Variants in SBF2 observed in about 807,000 individuals in gnomAD.
The protein encoded by SBF2 is myotubularin-related protein 13.
SBF2 carries 112 observed loss-of-function variants against 225.2 expected under a neutral mutation model. That is an observed-to-expected ratio of 0.50 (90% CI 0.43 to 0.58). The LOEUF (loss-of-function observed/expected upper bound fraction) is 0.58, where lower values mean the gene tolerates loss of function less well. Among genes scored for constraint, SBF2 ranks in the 20% least tolerant of loss-of-function variants. The probability of loss-of-function intolerance (pLI) is 0.00; values close to 1 mark genes in which losing one functional copy is unlikely to be tolerated. For synonymous variants in SBF2, 763 were observed against 773.3 expected (o/e 0.99, Z 0.22); for missense variants, 1,996 against 2,206.2 (o/e 0.90, Z 1.91).
intron 2 of SBF2, among the ~76,000 whole-genome samples, chr11:10,141,898 CGTAGAGCATTTGATGTAA>C (rs1954665411): frequency 6.6e-6 from 1 of 152,136 alleles, no homozygotes; most frequent in Non-Finnish European, 1.5e-5. Context: ...AATCTGACTT[CGTAGAGCATTTGATGTAA>C]CATTCAGGAT....
At chr11:9,847,653 T>C (rs1301970726) in intron 22 of SBF2, among the ~76,000 whole-genome samples, 1 of 152,138 alleles carries the variant, frequency 6.6e-6, no homozygotes, top group African/African-American at 2.4e-5. Flanking sequence ...ATATGTGCCT[T>C]TGGAAAACAA....
intron 16 of SBF2, among the ~76,000 whole-genome samples, chr11:9,904,779 C>A (rs1861995532): frequency 2.0e-5 from 3 of 152,154 alleles, no homozygotes; most frequent in Admixed American, 2.0e-4. Context: ...AATCACAGAA[C>A]TTTGGGAGGC....
chr11:10,142,572 C>T lies in SBF2; in HGVS notation c.141+51330G>A, dbSNP rs184975214. 8.4e-4 allele frequency among the ~76,000 whole-genome samples: 128 copies of T among 152,304 alleles called. 1 individual carries two copies. The highest frequency in any genetic ancestry group is 3.5e-3 in the Admixed American group (53 of 15,296). On this transcript the variant is annotated intron_variant, in intron 2 of 39. Transcript: ENST00000256190. The stretch of plus-strand genomic sequence containing the variant: ...ATACAACCAGCGTGAAGTCACCATT[C>T]TCTATAGAAATGGCTTCTGATATAT...
At chr11:10,219,050 C>G (rs947509053) in intron 1 of SBF2, among the ~76,000 whole-genome samples, 1 of 152,174 alleles carries the variant, frequency 6.6e-6, no homozygotes, top group Non-Finnish European at 1.5e-5. Flanking sequence ...CGTAGCTCCA[C>G]TAGGCAGTGT....
intron 1 of SBF2, chr11:10,302,813 C>G (rs1370153259): frequency 6.5e-6 from 1 of 152,914 alleles, no homozygotes. Flanking sequence ...AGAACGAACA[C>G]CCCCGCCGCG....
intron 16 of SBF2, chr11:9,959,244 G>A (rs1420189460): frequency 1.5e-5 from 12 of 776,380 alleles, no homozygotes; most frequent in Non-Finnish European, 2.9e-5. Context: ...CTGCAATCTT[G>A]ACTCCAGAAT....
chr11:9,825,379 C>T (rs1481341859), intron 28 of SBF2, among the ~76,000 whole-genome samples: 1 of 152,180 alleles, frequency 6.6e-6, no homozygotes. Flanking sequence ...AACTCCCTGA[C>T]ACCCTGATCT....
At position 10,069,861 on chromosome 11, in the gene SBF2, G is replaced by A. The variant is rs571111664; in HGVS notation, c.142-26880C>T. Among the ~76,000 whole-genome samples, 14 of 152,344 alleles carry A rather than the reference G, an allele frequency of 9.2e-5. 1 individual carries two copies. The South Asian group carries it at 2.9e-3, about 32-fold the overall frequency. On this transcript the variant is annotated intron_variant, in intron 2 of 39. Coordinates refer to ENST00000256190, the MANE Select transcript of SBF2 (RefSeq NM_030962.4). ...TTTAATGATCGCCATTCTAACTGGT[G>A]TGAGATGGTATCTCATTGTGGTTTT...
intron 12 of SBF2, among the ~76,000 whole-genome samples, chr11:9,991,946 A>G (rs1007926728): frequency 3.3e-5 from 5 of 152,188 alleles, no homozygotes; most frequent in African/African-American, 1.2e-4. Flanking sequence ...TTCTCCCTAA[A>G]ACACTGACAA....
At chr11:10,284,492 A>G (rs1044850217) in intron 1 of SBF2, among the ~76,000 whole-genome samples, 5 of 152,084 alleles carry the variant, frequency 3.3e-5, no homozygotes, top group Non-Finnish European at 7.3e-5. Context: ...TTAACTACCT[A>G]TGATGTACCA....
At chr11:9,945,256 C>A (rs879512028) in intron 16 of SBF2, among the ~76,000 whole-genome samples, 2 of 152,126 alleles carry the variant, frequency 1.3e-5, no homozygotes, top group Non-Finnish European at 2.9e-5. Context: ...GACACATAGG[C>A]CAATGAGACA....
intron 5 of SBF2, among the ~76,000 whole-genome samples, chr11:10,029,054 C>T (rs1949155439): frequency 6.6e-6 from 1 of 151,924 alleles, no homozygotes; most frequent in Admixed American, 6.6e-5. Flanking sequence ...AATGCCAATC[C>T]CACTATAAGC....
At chr11:10,085,361 C>T (rs1951524137) in intron 2 of SBF2, among the ~76,000 whole-genome samples, 1 of 151,850 alleles carries the variant, frequency 6.6e-6, no homozygotes, top group South Asian at 2.1e-4. Flanking sequence ...TTTTTCTGAC[C>T]CCGTATTGAG....
chr11:10,221,558 T>A (rs1958340754), intron 1 of SBF2, among the ~76,000 whole-genome samples: 1 of 152,192 alleles, frequency 6.6e-6, no homozygotes, highest in Non-Finnish European at 1.5e-5. Context: ...GGCACAATCA[T>A]GGAGGGAATT....
intron 2 of SBF2, among the ~76,000 whole-genome samples, chr11:10,057,581 C>T (rs1284503404): frequency 2.6e-5 from 4 of 152,140 alleles, no homozygotes; most frequent in African/African-American, 7.2e-5. Flanking sequence ...TGGGGTGGAG[C>T]CTCCAGGAGT....
At chr11:10,193,603 T>C (rs959836986) in intron 2 of SBF2, among the ~76,000 whole-genome samples, 4 of 152,046 alleles carry the variant, frequency 2.6e-5, no homozygotes, top group South Asian at 4.1e-4. Context: ...CCGCCCGCCT[T>C]GGCCTCCCAA....
intron 2 of SBF2, among the ~76,000 whole-genome samples, chr11:10,156,673 C>T (rs1955490381): frequency 6.6e-6 from 1 of 152,122 alleles, no homozygotes; most frequent in Non-Finnish European, 1.5e-5. Context: ...TCACAATGGC[C>T]ACAAAAAGAA....
intron 16 of SBF2, among the ~76,000 whole-genome samples, chr11:9,909,082 G>T (rs1036161966): frequency 2.0e-5 from 3 of 152,012 alleles, no homozygotes; most frequent in African/African-American, 7.2e-5. Context: ...ATACATAATA[G>T]ATGTTCAGTG....
Position 9,874,477 on chromosome 11 carries a change from A to G in SBF2, c.1930-16081T>C, listed in dbSNP as rs375031953. On this transcript the variant is annotated intron_variant, in intron 17 of 39. Transcript: ENST00000256190. ...AAAATCAATATCTTTTAGGGGCCCA[A>G]TTTTCCAAATTTCACTGACATTTTG... Among the ~76,000 whole-genome samples, 10 of 152,326 alleles carry G rather than the reference A, an allele frequency of 6.6e-5. No individual in the cohort carries two copies. In the East Asian group the frequency reaches 1.2e-3, roughly 18 times the overall value.
Sources: allele counts gnomAD v4.1 joint callset (sites outside exome capture counted in the v4.1 genomes callset), GRCh38; gene constraint gnomAD v4.1.1; transcripts MANE v1.5; gene names NCBI Gene and HGNC (gene_info 2026-07-23, HGNC 2026-07-21).